Variants in TVP23A observed in about 807,000 individuals in gnomAD.
TVP23A encodes Golgi apparatus membrane protein TVP23 homolog A.
Under a neutral mutation model 31.7 loss-of-function variants are expected in TVP23A, and 21 were observed. The ratio of observed to expected loss-of-function variants is 0.66; its 90% CI spans 0.47 to 0.95. The LOEUF is 0.95. Among genes scored for constraint, TVP23A ranks in the 40% least tolerant of loss-of-function variants. The pLI, the probability that TVP23A is intolerant of heterozygous loss-of-function variation, is 0.00. For synonymous variants in TVP23A, 104 were observed against 96.0 expected (o/e 1.08, Z -0.49); for missense variants, 279 against 255.6 (o/e 1.09, Z -0.62).
intron 2 of TVP23A, among the ~76,000 whole-genome samples, chr16:10,806,110 A>G (rs997610371): frequency 6.6e-6 from 1 of 152,178 alleles, no homozygotes; most frequent in African/African-American, 2.4e-5. Context: ...TGGGAGGCTG[A>G]GGCGGATGGA....
chr16:10,767,600 A>C lies in TVP23A; in HGVS notation c.*1502T>G, dbSNP rs1269240279. On this transcript the variant is annotated 3_prime_UTR_variant, in exon 8 of 8. Transcript: ENST00000299866. The surrounding 1 kb of genome is among the most constrained non-coding windows in gnomAD (Gnocchi z 4.6). ...TATGCCATATCCTTTTGCATTCTGT[A>C]CTTTTTTTAACCATGTGCATTCATG... is the stretch of plus-strand genomic sequence containing the variant. The C allele has an allele frequency of 4.4e-6, 2 of 451,136 alleles. No individual in the cohort carries two copies. The highest frequency in any genetic ancestry group is 7.8e-6 in the Non-Finnish European group (2 of 257,250). The allele number at this position is 451,136 out of a possible 1,614,324, so 27.9% of individuals were successfully genotyped here.
intron 2 of TVP23A, among the ~76,000 whole-genome samples, chr16:10,780,684 G>A (rs1269564310): frequency 6.6e-6 from 1 of 151,894 alleles, no homozygotes; most frequent in Non-Finnish European, 1.5e-5. Flanking sequence ...CTGCAAAATG[G>A]GAATGCCAAC....
chr16:10,808,171 A>G (rs924891983), intron 2 of TVP23A, among the ~76,000 whole-genome samples: 1 of 152,240 alleles, frequency 6.6e-6, no homozygotes, highest in Non-Finnish European at 1.5e-5. Context: ...AACCTGGAAT[A>G]GTGCTTGCAT....
At chr16:10,802,210 AG>A (rs1431180683) in intron 2 of TVP23A, among the ~76,000 whole-genome samples, 1 of 149,736 alleles carries the variant, frequency 6.7e-6, no homozygotes, top group Non-Finnish European at 1.5e-5. Context: ...TAACAACAAG[AG>A]TATGTCTGCA....
chr16:10,800,456 T>C (rs1446714124), intron 2 of TVP23A: 1 of 152,194 alleles, frequency 6.6e-6, no homozygotes, highest in Non-Finnish European at 1.5e-5. Flanking sequence ...GGTGTTTATG[T>C]CCCACCTCTA....
chr16:10,816,920 A>T (rs949965036), intron 2 of TVP23A, among the ~76,000 whole-genome samples: 5 of 114,530 alleles, frequency 4.4e-5, no homozygotes, highest in South Asian at 7.2e-4. Flanking sequence ...AGGCACAGGG[A>T]AACTTCACAC....
At chr16:10,770,575 A>C (rs1362866913) in intron 6 of TVP23A, among the ~76,000 whole-genome samples, 3 of 150,014 alleles carry the variant, frequency 2.0e-5, no homozygotes, top group Non-Finnish European at 3.0e-5. Context: ...TAAAAAAAAA[A>C]AACAAAACAA....
chr16:10,803,722 G>A (rs74007552), intron 2 of TVP23A, among the ~76,000 whole-genome samples: 3,567 of 152,140 alleles, frequency 0.023, 132 homozygotes, highest in African/African-American at 0.082. Flanking sequence ...ACCAACACAA[G>A]GACCCAAGAG....
chr16:10,804,314 GTT>G, intron 2 of TVP23A, among the ~76,000 whole-genome samples: 1 of 152,358 alleles, frequency 6.6e-6, no homozygotes, highest in Admixed American at 6.5e-5. Context: ...CAGGGCTGGG[GTT>G]GGGGGCTGCA....
chr16:10,778,061 T>C (rs1454679816), intron 2 of TVP23A, among the ~76,000 whole-genome samples: 1 of 151,576 alleles, frequency 6.6e-6, no homozygotes, highest in Non-Finnish European at 1.5e-5. Context: ...TCACCAGGTG[T>C]GGTGGCTCAC....
chr16:10,796,451 G>T (rs1446854696), intron 2 of TVP23A, among the ~76,000 whole-genome samples: 1 of 149,294 alleles, frequency 6.7e-6, no homozygotes, highest in Admixed American at 6.6e-5. Context: ...TTTATTTTTT[G>T]AGATGGAGTC....
intron 2 of TVP23A, among the ~76,000 whole-genome samples, chr16:10,809,122 G>A (rs11861959): frequency 0.019 from 2,867 of 152,294 alleles, 103 homozygotes; most frequent in African/African-American, 0.066. Flanking sequence ...CCCACAAGGG[G>A]CATCAGGAGC....
intron 2 of TVP23A, among the ~76,000 whole-genome samples, chr16:10,801,731 T>A (rs1449885496): frequency 6.6e-6 from 1 of 152,170 alleles, no homozygotes; most frequent in Non-Finnish European, 1.5e-5. Flanking sequence ...ATTACAGGCA[T>A]GAGCCACCGC....
chr16:10,812,417 A>G (rs1293760558), intron 2 of TVP23A, among the ~76,000 whole-genome samples: 1 of 152,246 alleles, frequency 6.6e-6, no homozygotes, highest in Admixed American at 6.5e-5. Context: ...GTATATGGCC[A>G]AAAGAATTGA....
chr16:10,792,360 G>T, intron 2 of TVP23A, among the ~76,000 whole-genome samples: 1 of 152,146 alleles, frequency 6.6e-6, no homozygotes, highest in East Asian at 1.9e-4. Flanking sequence ...GGTGCCAGGG[G>T]AGGCAGCTAA....
At chr16:10,800,115 G>C (rs899233428) in intron 2 of TVP23A, among the ~76,000 whole-genome samples, 3 of 130,810 alleles carry the variant, frequency 2.3e-5, no homozygotes, top group Non-Finnish European at 4.7e-5. Flanking sequence ...TTTTTTTTTA[G>C]AAACAGGGTC....
At chr16:10,791,966 G>T (rs1223781366) in intron 2 of TVP23A, among the ~76,000 whole-genome samples, 1 of 152,190 alleles carries the variant, frequency 6.6e-6, no homozygotes, top group Non-Finnish European at 1.5e-5. Flanking sequence ...GGGCCAAGTC[G>T]AAAGCCCATT....
chr16:10,796,135 C>A (rs2033374758), intron 2 of TVP23A, among the ~76,000 whole-genome samples: 1 of 152,014 alleles, frequency 6.6e-6, no homozygotes, highest in Non-Finnish European at 1.5e-5. Flanking sequence ...ATCGCTTGAG[C>A]CCAGGAGTTT....
chr16:10,784,630 A>T (rs961669115), intron 2 of TVP23A, among the ~76,000 whole-genome samples: 1 of 152,168 alleles, frequency 6.6e-6, no homozygotes, highest in East Asian at 1.9e-4. Flanking sequence ...ATCAAGAGTA[A>T]ACCCTGATAT....
Sources: allele counts gnomAD v4.1 joint callset (sites outside exome capture counted in the v4.1 genomes callset), GRCh38; gene constraint gnomAD v4.1.1; non-coding constraint Gnocchi (gnomAD v3.1); transcripts MANE v1.5; gene names NCBI Gene and HGNC (gene_info 2026-07-23, HGNC 2026-07-21).